Variants in SMIM5 observed in about 807,000 individuals in gnomAD.
The protein encoded by SMIM5 is small integral membrane protein 5.
SMIM5 carries 4 observed loss-of-function variants against 4.0 expected under a neutral mutation model. The ratio of observed to expected loss-of-function variants is 1.01; its 90% CI spans 0.50 to 2.30. The LOEUF (loss-of-function observed/expected upper bound fraction) is 2.30. Ranked by LOEUF, SMIM5 falls within the 30% of genes most tolerant of loss-of-function variation. The pLI, the probability that SMIM5 is intolerant of heterozygous loss-of-function variation, is 0.02. For missense variants in SMIM5, 107 were observed against 99.2 expected (o/e 1.08, Z -0.34); for synonymous variants, 46 against 43.6 (o/e 1.05, Z -0.22).
rs767212672 is a variant in SMIM5, at chr17:75,633,507, G to T, written c.-732G>T. 1 of 1,288,636 alleles carries T rather than the reference G, an allele frequency of 7.8e-7. No homozygotes were observed. The highest frequency in any genetic ancestry group is 1.2e-5 in the South Asian group (1 of 80,992). 79.8% of individuals were successfully genotyped at this position (1,288,636 alleles called of 1,614,324 possible). A position where few individuals can be genotyped will look rare whatever the true frequency, so the allele number is the denominator to read the frequency against. ...TGCCGGGCGCGCAGGCCACTCCCAG[G>T]TCACTCAGGATTCCAAGTTCTCCCC... is the stretch of plus-strand genomic sequence containing the variant. On this transcript the variant is annotated 5_prime_UTR_variant, in exon 1 of 3. Coordinates refer to ENST00000375215, the MANE Select transcript of SMIM5 (RefSeq NM_001162995.3).
Position 75,634,069 on chromosome 17 carries a change from A to G in SMIM5, c.-170A>G. 3 of 985,644 alleles carry G rather than the reference A, an allele frequency of 3.0e-6. No individual in the cohort carries two copies. The highest frequency in any genetic ancestry group is 3.6e-6 in the Non-Finnish European group (3 of 830,054). The allele number at this position is 985,644 out of a possible 1,614,324, so 61.1% of individuals were successfully genotyped here. ...AACAAAAAAGCCAGGCAGAGACAGC[A>G]GCTGGCTGTCAGCAGAGGAGCTGGG... On this transcript the variant is annotated 5_prime_UTR_variant, in exon 1 of 3. Coordinates refer to ENST00000375215, the MANE Select transcript of SMIM5 (RefSeq NM_001162995.3).
intron 1 of SMIM5, among the ~76,000 whole-genome samples, chr17:75,634,579 T>C (rs1035724460): frequency 1.3e-4 from 20 of 152,180 alleles, no homozygotes; most frequent in African/African-American, 3.9e-4. Flanking sequence ...CCTCCCTTTT[T>C]CCCAGGATTA....
rs2059323228 is a variant in SMIM5 at position 75,636,453 on chromosome 17, G to A, written c.-37+2251G>A. 6.6e-6 allele frequency: 1 copy of A among 152,266 alleles called. No homozygotes were observed. Among genetic ancestry groups the A allele is most frequent in the Non-Finnish European group, 1.5e-5 (1 of 68,040 alleles). The allele number at this position is 152,266 out of a possible 1,614,324, so 9.4% of individuals were successfully genotyped here. ...TCCTGCCAAACCTAGGAAGGGAAAG[G>A]GGAGGAGAGGTGGCCAGCCTCAGAG... On this transcript the variant is annotated intron_variant, in intron 1 of 2. Coordinates refer to ENST00000375215, the MANE Select transcript of SMIM5 (RefSeq NM_001162995.3). This position sits in a 1 kb window ranked among gnomAD's most constrained non-coding sequence, Gnocchi z 5.4.
Position 75,636,132 on chromosome 17 carries a change from C to A in SMIM5, c.-37+1930C>A, listed in dbSNP as rs2059317095. 2.0e-5 allele frequency among the ~76,000 whole-genome samples: 3 copies of A among 152,220 alleles called. No individual in the cohort carries two copies. Among genetic ancestry groups the A allele is most frequent in the Admixed American group, 1.3e-4 (2 of 15,288 alleles). ...GGGCAGCAGGAGGGCCTGGTGGCAGCTGGGCTACACTCCCTCTTAAGGCCA... is the reference window on the plus strand; with the variant it reads ...GGGCAGCAGGAGGGCCTGGTGGCAGATGGGCTACACTCCCTCTTAAGGCCA... On this transcript the variant is annotated intron_variant, in intron 1 of 2. Coordinates refer to ENST00000375215, the MANE Select transcript of SMIM5 (RefSeq NM_001162995.3). The surrounding 1 kb of genome is among the most constrained non-coding windows in gnomAD (Gnocchi z 5.4).
Position 75,640,683 on chromosome 17 carries a change from C to A in SMIM5, c.128-108C>A. 1 of 1,486,390 alleles carries A rather than the reference C, an allele frequency of 6.7e-7. No homozygotes were observed. The allele number at this position is 1,486,390 out of a possible 1,614,324, so 92.1% of individuals were successfully genotyped here. ...CCTCTCGGATCTTTCTGACCTCCAC[C>A]AAACCTGTGGGGGAAAGACCCTGGC... On this transcript the variant is annotated intron_variant, in intron 2 of 2. Transcript: ENST00000375215. The surrounding 1 kb of genome is among the most constrained non-coding windows in gnomAD (Gnocchi z 4.6).
rs781336855 is a variant in SMIM5 at position 75,640,226 on chromosome 17, G to A, written c.25G>A (p.Glu9Lys). 1.9e-6 allele frequency: 3 copies of A among 1,550,746 alleles called. No homozygotes were observed. The highest frequency in any genetic ancestry group is 2.4e-5 in the South Asian group (2 of 84,026). Residue 9 changes from glutamate (E) to lysine (K), a missense_variant, in exon 2 of 3, where the codon GAG becomes AAG. Physicochemically the swap from Glu to Lys is moderately conservative, Grantham distance 56 (BLOSUM62 1). Transcript: ENST00000375215. The surrounding 1 kb of genome is among the most constrained non-coding windows in gnomAD (Gnocchi z 4.6). MAATDFVQ[E>K]MRAVGERLLL... ...CATGGCTGCCACCGACTTCGTGCAG[G>A]AGATGCGCGCCGTGGGCGAGAGGCT...
rs1333505550 is a variant in SMIM5, at chr17:75,636,075, G to C, written c.-37+1873G>C. ...CTACTGCAGCCAGGGCACACCCTCT[G>C]AAGGCTCCAAGCAGGGCTGGCTGGG... On this transcript the variant is annotated intron_variant, in intron 1 of 2. Transcript: ENST00000375215. The surrounding 1 kb of genome is among the most constrained non-coding windows in gnomAD (Gnocchi z 5.4). Among the ~76,000 whole-genome samples, 1 of 152,248 alleles carries C rather than the reference G, an allele frequency of 6.6e-6. No individual in the cohort carries two copies. The highest frequency in any genetic ancestry group is 1.5e-5 in the Non-Finnish European group (1 of 68,046).
Position 75,640,065 on chromosome 17 carries a change from T to C in SMIM5, c.-36-101T>C. The C allele has an allele frequency of 7.7e-7, 1 of 1,290,508 alleles. No homozygotes were observed. Among genetic ancestry groups the C allele is most frequent in the Non-Finnish European group, 1.0e-6 (1 of 971,264 alleles). The allele number at this position is 1,290,508 out of a possible 1,614,324, so 79.9% of individuals were successfully genotyped here. A position where few individuals can be genotyped will look rare whatever the true frequency, so the allele number is the denominator to read the frequency against. ...GTGCAATGTGTGAGACCTGACAAAC[T>C]TGTTCTGCGGGCTGCGGATGGGTGC... On this transcript the variant is annotated intron_variant, in intron 1 of 2. Coordinates refer to ENST00000375215, the MANE Select transcript of SMIM5 (RefSeq NM_001162995.3). This position sits in a 1 kb window ranked among gnomAD's most constrained non-coding sequence, Gnocchi z 4.6.
Position 75,633,454 on chromosome 17 carries a change from C to G in SMIM5, c.-785C>G, listed in dbSNP as rs1210506804. 1 of 1,289,074 alleles carries G rather than the reference C, an allele frequency of 7.8e-7. No individual in the cohort carries two copies. Among genetic ancestry groups the G allele is most frequent in the Non-Finnish European group, 1.0e-6 (1 of 988,644 alleles). 79.9% of individuals were successfully genotyped at this position (1,289,074 alleles called of 1,614,324 possible). ...GCGGTCACAGCCCCAGCAGAAGGCC[C>G]TCACCTCACAAGGAACATGAGGCGC... On this transcript the variant is annotated 5_prime_UTR_variant, in exon 1 of 3. Transcript: ENST00000375215.
Position 75,640,883 on chromosome 17 carries a change from C to A in SMIM5, c.220C>A (p.Pro74Thr). ...ERRGRKVQVQ[P>T]TPP ...GAGAGGCAGGAAGGTCCAGGTGCAG[C>A]CGACACCACCATGACGGACGGGCGA... The change falls in exon 3 of 3, where the codon CCG becomes ACG. Residue 74 changes from proline to threonine, a missense_variant. Physicochemically the swap from Pro to Thr is conservative, Grantham distance 38. Coordinates refer to ENST00000375215, the MANE Select transcript of SMIM5 (RefSeq NM_001162995.3). This position sits in a 1 kb window ranked among gnomAD's most constrained non-coding sequence, Gnocchi z 4.6. 6.5e-7 allele frequency: 1 copy of A among 1,545,744 alleles called. No individual in the cohort carries two copies.
Position 75,636,196 on chromosome 17 carries a change from C to T in SMIM5, c.-37+1994C>T, listed in dbSNP as rs1292360541. Among the ~76,000 whole-genome samples the T allele has an allele frequency of 6.6e-6, 1 of 152,126 alleles. No homozygotes were observed. On this transcript the variant is annotated intron_variant, in intron 1 of 2. Transcript: ENST00000375215. The surrounding 1 kb of genome is among the most constrained non-coding windows in gnomAD (Gnocchi z 5.4). ...CTTGCTCTGGCAGCCACTCAGGAAC[C>T]CCTGAGGACCCTGAGAAGCCTCCAA...
At chr17:75,634,641 G>A (rs72854940) in intron 1 of SMIM5, among the ~76,000 whole-genome samples, 5,046 of 152,276 alleles carry the variant, frequency 0.033, 110 homozygotes, top group South Asian at 0.066. Context: ...AGCATGCGGC[G>A]CCCCCAGGAT....
intron 1 of SMIM5, chr17:75,637,711 A>C (rs1363722637): frequency 6.6e-6 from 1 of 152,302 alleles, no homozygotes; most frequent in African/African-American, 2.4e-5. Context: ...AGATCCACAA[A>C]TGTGGGCTGG....
rs1351258717 is a variant in SMIM5 at position 75,640,472 on chromosome 17, G to A, written c.127+144G>A. The A allele has an allele frequency of 7.6e-7, 1 of 1,316,124 alleles. No individual in the cohort carries two copies. The highest frequency in any genetic ancestry group is 1.5e-5 in the African/African-American group (1 of 67,118). 81.5% of individuals were successfully genotyped at this position (1,316,124 alleles called of 1,614,324 possible). A position where few individuals can be genotyped will look rare whatever the true frequency, so the allele number is the denominator to read the frequency against. ...CAGTTGTCCCTTGGGGGAAGCCAAG[G>A]GACTTCCCTCATCCTCTGATATGCT... On this transcript the variant is annotated intron_variant, in intron 2 of 2. Coordinates refer to ENST00000375215, the MANE Select transcript of SMIM5 (RefSeq NM_001162995.3). The surrounding 1 kb of genome is among the most constrained non-coding windows in gnomAD (Gnocchi z 4.6).
In SMIM5 at chr17:75,633,857, G is replaced by A; in HGVS notation, c.-382G>A. On this transcript the variant is annotated 5_prime_UTR_variant, in exon 1 of 3. Coordinates refer to ENST00000375215, the MANE Select transcript of SMIM5 (RefSeq NM_001162995.3). ...AACCCAGGCCCAGCCCACGGCGTGG[G>A]AGTCGGGGAGAGGGAGAGGAGGAGG... 1 of 996,336 alleles carries A rather than the reference G, an allele frequency of 1.0e-6. No homozygotes were observed. The highest frequency in any genetic ancestry group is 1.7e-5 in the African/African-American group (1 of 57,562). 61.7% of individuals were successfully genotyped at this position (996,336 alleles called of 1,614,324 possible).
intron 1 of SMIM5, chr17:75,639,165 C>T (rs1042614197): frequency 2.0e-5 from 3 of 152,336 alleles, no homozygotes; most frequent in African/African-American, 7.2e-5. Flanking sequence ...ACTGGCCTCA[C>T]TGACGTAGCC....
intron 1 of SMIM5, among the ~76,000 whole-genome samples, chr17:75,635,194 G>A (rs2059295546): frequency 1.3e-5 from 2 of 152,244 alleles, no homozygotes; most frequent in African/African-American, 2.4e-5. Context: ...AGCAGAGGCT[G>A]GGGGCTTCGG....
In SMIM5 at chr17:75,640,947, T is replaced by C. The variant is rs1276033688; in HGVS notation, c.*50T>C. On this transcript the variant is annotated 3_prime_UTR_variant, in exon 3 of 3. Coordinates refer to ENST00000375215, the MANE Select transcript of SMIM5 (RefSeq NM_001162995.3). The surrounding 1 kb of genome is among the most constrained non-coding windows in gnomAD (Gnocchi z 4.6). Reference sequence around the variant, plus strand: ...GCTGGAGAGGAGATGGCCAATGCCATGACACAGGCCATCAGCCTGGCCCTG... The same window carrying C: ...GCTGGAGAGGAGATGGCCAATGCCACGACACAGGCCATCAGCCTGGCCCTG... The C allele has an allele frequency of 1.5e-5, 23 of 1,531,878 alleles. 1 individual carries two copies. In the South Asian group the frequency reaches 2.5e-4, roughly 17 times the overall value. The allele number at this position is 1,531,878 out of a possible 1,614,324, so 94.9% of individuals were successfully genotyped here.
intron 1 of SMIM5, chr17:75,635,846 C>T: frequency 1.0e-6 from 1 of 985,492 alleles, no homozygotes; most frequent in Non-Finnish European, 1.2e-6. Flanking sequence ...GCCAGCCCTT[C>T]CTCGTGAGGC....
Sources: allele counts gnomAD v4.1 joint callset (sites outside exome capture counted in the v4.1 genomes callset), GRCh38; gene constraint gnomAD v4.1.1; non-coding constraint Gnocchi (gnomAD v3.1); transcripts MANE v1.5; gene names NCBI Gene and HGNC (gene_info 2026-07-23, HGNC 2026-07-21).